HDAC4: variants seen among roughly 807,000 people sequenced by gnomAD.
HDAC4 encodes histone deacetylase 4.
A neutral mutation model predicts 135.1 loss-of-function variants in HDAC4; 16 were observed. The observed-to-expected ratio is 0.12, with a 90% CI of 0.08 to 0.18. HDAC4 has a LOEUF of 0.18. Ranked by LOEUF, HDAC4 falls within the 10% of genes least tolerant of loss-of-function variation. The pLI is 1.00. For missense variants in HDAC4, 1,143 were observed against 1,511.8 expected, an observed-to-expected ratio of 0.76 and a Z score of 4.05; for synonymous variants, 685 against 653.4, an observed-to-expected ratio of 1.05 and a Z score of -0.74.
chr2:239,185,795 C>G (rs544354356), intron 4 of HDAC4, among the ~76,000 whole-genome samples: 1 of 152,316 alleles, frequency 6.6e-6, no homozygotes, highest in East Asian at 1.9e-4. Context: ...CTTTGGGAGG[C>G]TGATACAGGC....
chr2:239,315,671 A>G (rs1402366385), intron 2 of HDAC4, among the ~76,000 whole-genome samples: 2 of 152,198 alleles, frequency 1.3e-5, no homozygotes, highest in Non-Finnish European at 2.9e-5. Flanking sequence ...GGATGTTTTA[A>G]TAAACAGTAC....
chr2:239,230,368 CAAAAAA>C (rs56105562), intron 3 of HDAC4, among the ~76,000 whole-genome samples: 6 of 79,392 alleles, frequency 7.6e-5, no homozygotes, highest in Non-Finnish European at 1.2e-4. Context: ...AGCAAGCAAG[CAAAAAA>C]AAAAAAAAAA....
intron 4 of HDAC4, among the ~76,000 whole-genome samples, chr2:239,188,683 T>A (rs1431121657): frequency 6.6e-6 from 1 of 152,218 alleles, no homozygotes; most frequent in African/African-American, 2.4e-5. Context: ...TGCCAAGACT[T>A]AGCATGAACA....
intron 2 of HDAC4, among the ~76,000 whole-genome samples, chr2:239,283,774 A>G (rs760893701): frequency 1.8e-4 from 27 of 152,232 alleles, no homozygotes; most frequent in Non-Finnish European, 3.5e-4. Context: ...GGCGGCCTTG[A>G]TGGCGTTTTG....
intron 3 of HDAC4, among the ~76,000 whole-genome samples, chr2:239,216,934 G>T (rs1393902565): frequency 6.6e-6 from 1 of 152,206 alleles, no homozygotes; most frequent in African/African-American, 2.4e-5. Flanking sequence ...CACAGTCCCT[G>T]GTTTGTCAGA....
At chr2:239,257,835 G>C (rs1436045887) in intron 2 of HDAC4, among the ~76,000 whole-genome samples, 1 of 152,008 alleles carries the variant, frequency 6.6e-6, no homozygotes, top group East Asian at 1.9e-4. Context: ...CAGAGGAAAA[G>C]ACAACCCAAC....
At chr2:239,187,692 T>C (rs117791327) in intron 4 of HDAC4, among the ~76,000 whole-genome samples, 1 of 152,318 alleles carries the variant, frequency 6.6e-6, no homozygotes, top group East Asian at 1.9e-4. Flanking sequence ...CTCTCTCATG[T>C]CCCACCTGCC....
chr2:239,341,379 G>C (rs116692381), intron 2 of HDAC4, among the ~76,000 whole-genome samples: 1 of 152,228 alleles, frequency 6.6e-6, no homozygotes, highest in Non-Finnish European at 1.5e-5. Flanking sequence ...TGTCAGACCG[G>C]GATGAGGAGA....
intron 17 of HDAC4, chr2:239,094,305 A>T: frequency 1.0e-6 from 1 of 985,442 alleles, no homozygotes; most frequent in Non-Finnish European, 1.2e-6. Context: ...TGTTATTGAG[A>T]AGTTTGATTG....
Position 239,352,301 on chromosome 2 carries a change from G to A in HDAC4, c.22+377C>T, listed in dbSNP as rs1409359495. Among the ~76,000 whole-genome samples the A allele has an allele frequency of 6.6e-6, 1 of 152,120 alleles. No homozygotes were observed. Among genetic ancestry groups the A allele is most frequent in the Non-Finnish European group, 1.5e-5 (1 of 68,016 alleles). ...ACAGCCCAGACGCCCAGTTGGAGGA[G>A]CACTCCCACCCCTCACACAACCCCT... On this transcript the variant is annotated intron_variant, in intron 2 of 26. Transcript: ENST00000543185. This position sits in a 1 kb window ranked among gnomAD's most constrained non-coding sequence, Gnocchi z 4.4.
chr2:239,056,696 CCT>C (rs1309703080), intron 24 of HDAC4, among the ~76,000 whole-genome samples: 8 of 152,226 alleles, frequency 5.3e-5, no homozygotes, highest in Admixed American at 3.3e-4. Flanking sequence ...ACTCTGTCCC[CCT>C]GAGTGTGCAC....
rs776952403 is a variant in HDAC4 at position 239,053,155 on chromosome 2, A to G, written c.3231-19T>C. ...ATCTGGTCTGTGGATCCCGCAAGAG[A>G]AGGAGATGGGGGCGTGGGGCAGGTG... On this transcript the variant is annotated intron_variant, in intron 26 of 26. Coordinates refer to ENST00000543185, the MANE Select transcript of HDAC4 (RefSeq NM_001378414.1). The G allele has an allele frequency of 8.1e-6, 13 of 1,613,732 alleles. No individual in the cohort carries two copies. The highest frequency in any genetic ancestry group is 5.0e-5 in the Admixed American group (3 of 59,984).
intron 2 of HDAC4, among the ~76,000 whole-genome samples, chr2:239,326,175 G>T (rs180793361): frequency 6.6e-6 from 1 of 152,078 alleles, no homozygotes; most frequent in Non-Finnish European, 1.5e-5. Context: ...ACAATGGACT[G>T]CTCATCCTTA....
intron 7 of HDAC4, among the ~76,000 whole-genome samples, chr2:239,153,477 T>G (rs1469419223): frequency 1.3e-5 from 2 of 151,154 alleles, no homozygotes; most frequent in Non-Finnish European, 2.9e-5. Context: ...TATAACTTAC[T>G]TAGAATGAGC....
Position 239,307,875 on chromosome 2 carries a change from C to A in HDAC4, c.22+44803G>T, listed in dbSNP as rs1575667567. ...GGACTGTCACACACGTCTCCACGCA[C>A]CCCGAGCCACATCACGTTTTGCCAC... On this transcript the variant is annotated intron_variant, in intron 2 of 26. Transcript: ENST00000543185. This position sits in a 1 kb window ranked among gnomAD's most constrained non-coding sequence, Gnocchi z 4.8. Among the ~76,000 whole-genome samples, 3 of 152,320 alleles carry A rather than the reference C, an allele frequency of 2.0e-5. 1 individual carries two copies. The highest frequency in any genetic ancestry group is 2.0e-4 in the Admixed American group (3 of 15,298).
intron 1 of HDAC4, among the ~76,000 whole-genome samples, chr2:239,379,037 G>A (rs1695227484): frequency 6.6e-6 from 1 of 152,148 alleles, no homozygotes; most frequent in Admixed American, 6.5e-5. Flanking sequence ...GGGACGGGAA[G>A]GTAAAGAGGA....
chr2:239,151,502 C>T (rs566346924), intron 7 of HDAC4, among the ~76,000 whole-genome samples: 1 of 152,370 alleles, frequency 6.6e-6, no homozygotes, highest in Non-Finnish European at 1.5e-5. Context: ...TGACTGGTTT[C>T]AGAAGGCCCC....
chr2:239,152,815 G>A (rs1341178023), intron 7 of HDAC4, among the ~76,000 whole-genome samples: 1 of 152,166 alleles, frequency 6.6e-6, no homozygotes, highest in Non-Finnish European at 1.5e-5. Flanking sequence ...ACCAGTCATT[G>A]GATGGAGAAA....
rs113223562 is a variant in HDAC4, at chr2:239,340,703, C to T, written c.22+11975G>A. On this transcript the variant is annotated intron_variant, in intron 2 of 26. Transcript: ENST00000543185. ...AAAGAACCACCTGCCTTGAATGAAG[C>T]ATCTGCTTCAAAGCCACAGGGCTCC... is the stretch of plus-strand genomic sequence containing the variant. Among the ~76,000 whole-genome samples, 30 of 152,290 alleles carry T rather than the reference C, an allele frequency of 2.0e-4. 1 individual carries two copies. Among genetic ancestry groups the T allele is most frequent in the African/African-American group, 6.7e-4 (28 of 41,566 alleles).
Sources: allele counts gnomAD v4.1 joint callset (sites outside exome capture counted in the v4.1 genomes callset), GRCh38; gene constraint gnomAD v4.1.1; non-coding constraint Gnocchi (gnomAD v3.1); transcripts MANE v1.5; gene names NCBI Gene and HGNC (gene_info 2026-07-23, HGNC 2026-07-21).